The following DOCK8 variants were observed in gnomAD, a reference collection of about 807,000 sequenced individuals.
DOCK8 encodes the protein dedicator of cytokinesis protein 8.
Under a neutral mutation model 245.6 loss-of-function variants are expected in DOCK8, and 141 were observed. The ratio of observed to expected loss-of-function variants is 0.57; its 90% confidence interval spans 0.50 to 0.66. DOCK8 has a LOEUF of 0.66. Among genes scored for constraint, DOCK8 ranks in the 30% least tolerant of loss-of-function variants. The pLI is 0.00. For synonymous variants in DOCK8, 1,168 were observed against 970.2 expected (o/e 1.20, Z -3.79); for missense variants, 2,965 against 2,603.4 (o/e 1.14, Z -3.02).
At position 220,893 on chromosome 9, in the gene DOCK8, GT is replaced by G. The variant is rs369466926; in HGVS notation, c.53+5865del. 404 of 272,222 alleles carry G rather than the reference GT, an allele frequency of 1.5e-3. 1 individual carries two copies. The highest frequency in any genetic ancestry group is 9.0e-3 in the African/African-American group (387 of 42,788). 16.9% of individuals were successfully genotyped at this position (272,222 alleles called of 1,614,324 possible). On this transcript the variant is annotated intron_variant, in intron 1 of 47. Transcript: ENST00000432829. ...GCACCACCACGCCCGGCTAATTTTTGTATTTTTAGTAGAGATGGGGTTTCAC... is the reference window on the plus strand; with the variant it reads ...GCACCACCACGCCCGGCTAATTTTTGATTTTTAGTAGAGATGGGGTTTCAC...
chr9:446,535 A>C lies in DOCK8; in HGVS notation c.5746A>C (p.Asn1916His). ...RGELHEQYRR[N>H]TVLTTMHAFP... Reference sequence around the variant, plus strand: ...AGAGCTGCATGAGCAGTACAGAAGGAACACAGTCCTGACCACTATGCACGC... The same window carrying C: ...AGAGCTGCATGAGCAGTACAGAAGGCACACAGTCCTGACCACTATGCACGC... Residue 1916 changes from asparagine (N) to histidine (H), a missense_variant, in exon 44 of 48, where the codon AAC becomes CAC. By Grantham distance (68) the Asn-to-His change is moderately conservative. Coordinates refer to ENST00000432829, the MANE Select transcript of DOCK8 (RefSeq NM_203447.4). 6.2e-7 allele frequency: 1 copy of C among 1,614,200 alleles called. No individual in the cohort carries two copies. Among genetic ancestry groups the C allele is most frequent in the Non-Finnish European group, 8.5e-7 (1 of 1,180,032 alleles).
chr9:340,264 A>G lies in DOCK8; in HGVS notation c.1622A>G (p.His541Arg). The G allele has an allele frequency of 3.7e-6, 6 of 1,614,152 alleles. No individual in the cohort carries two copies. In the South Asian group the frequency reaches 6.6e-5, roughly 18 times the overall value. Reference protein sequence around the residue: ...KPFPENRTRPHKEILEFPTRE... With the variant: ...KPFPENRTRPRKEILEFPTRE... ...TTTCCTGAAAACCGGACACGCCCGC[A>G]CAAAGAGATTTTGGAATTTCCAACA... The change falls in exon 14 of 48, where the codon CAC becomes CGC. Residue 541 changes from histidine (H) to arginine (R), a missense_variant. By Grantham distance (29) the His-to-Arg change is conservative. Transcript: ENST00000432829.
chr9:262,530 A>C (rs1233383907), intron 1 of DOCK8, among the ~76,000 whole-genome samples: 1 of 150,420 alleles, frequency 6.6e-6, no homozygotes, highest in African/African-American at 2.4e-5. Flanking sequence ...AGTGCAATAT[A>C]GATGGATTGC....
intron 36 of DOCK8, among the ~76,000 whole-genome samples, chr9:431,372 G>C (rs765304355): frequency 6.6e-6 from 1 of 152,138 alleles, no homozygotes; most frequent in Non-Finnish European, 1.5e-5. Context: ...AAATGTATTA[G>C]GGATGATTAT....
intron 5 of DOCK8, among the ~76,000 whole-genome samples, chr9:306,858 G>T (rs1563902647): frequency 6.6e-6 from 1 of 152,198 alleles, no homozygotes; most frequent in Non-Finnish European, 1.5e-5. Context: ...AGGAGCCTGA[G>T]AGCAAGGACT....
At chr9:436,125 A>G (rs946073453) in intron 39 of DOCK8, among the ~76,000 whole-genome samples, 2 of 152,250 alleles carry the variant, frequency 1.3e-5, no homozygotes, top group African/African-American at 4.8e-5. Flanking sequence ...TGCAGCCAAG[A>G]GCTTCTGGTT....
chr9:221,847 A>G (rs1012936269), intron 1 of DOCK8, among the ~76,000 whole-genome samples: 1 of 151,642 alleles, frequency 6.6e-6, no homozygotes, highest in Middle Eastern at 3.4e-3. Context: ...ATCATGAACA[A>G]CTCTGCATGT....
intron 14 of DOCK8, among the ~76,000 whole-genome samples, chr9:341,636 T>G (rs1184898633): frequency 6.6e-6 from 1 of 152,218 alleles, no homozygotes; most frequent in African/African-American, 2.4e-5. Context: ...TACACACACA[T>G]CTGTGAACGC....
At chr9:450,079 T>G (rs757639436) in intron 45 of DOCK8, 152 bp downstream of exon 45, 5 of 825,964 alleles carry the variant, frequency 6.1e-6, no homozygotes, top group Non-Finnish European at 9.2e-6. Flanking sequence ...CCTGTAAGGT[T>G]TAGAAGACTT....
intron 7 of DOCK8, among the ~76,000 whole-genome samples, chr9:318,818 C>T (rs985800491): frequency 6.6e-6 from 1 of 152,202 alleles, no homozygotes; most frequent in Admixed American, 6.5e-5. Flanking sequence ...AGGGACACAC[C>T]TGCCCCGACA....
intron 2 of DOCK8, among the ~76,000 whole-genome samples, chr9:284,983 CTA>C (rs1157089317): frequency 6.6e-6 from 1 of 152,122 alleles, no homozygotes; most frequent in African/African-American, 2.4e-5. Flanking sequence ...GAAAAGATAA[CTA>C]TGTGGTCCTG....
intron 25 of DOCK8, among the ~76,000 whole-genome samples, chr9:397,508 T>G (rs1198949964): frequency 6.6e-6 from 1 of 151,282 alleles, no homozygotes; most frequent in African/African-American, 2.4e-5. Context: ...GGCCAACATG[T>G]TGAAACCCCG....
Position 406,983 on chromosome 9 carries a change from T to G in DOCK8, c.3444T>G (p.Asp1148Glu). 2 of 1,614,184 alleles carry G rather than the reference T, an allele frequency of 1.2e-6. No individual in the cohort carries two copies. Among genetic ancestry groups the G allele is most frequent in the African/African-American group, 1.3e-5 (1 of 75,038 alleles). The change falls in exon 28 of 48, where the codon GAT (aspartate) becomes GAG (glutamate). Residue 1148 changes from aspartate (D) to glutamate (E), a missense_variant. Coordinates refer to ENST00000432829, the MANE Select transcript of DOCK8 (RefSeq NM_203447.4). ...ACCAGAAGATCGCCAGCATGTTCGA[T>G]CTGACTTCCGAGTACCGCCAGCAGC... Reference protein sequence around the residue: ...FQDQKIASMFDLTSEYRQQHF... With the variant: ...FQDQKIASMFELTSEYRQQHF...
chr9:348,210 C>T (rs1226279431), intron 14 of DOCK8, among the ~76,000 whole-genome samples: 3 of 152,154 alleles, frequency 2.0e-5, no homozygotes, highest in South Asian at 2.1e-4. Context: ...AGATCGAAAT[C>T]TTCTCATTTT....
At chr9:283,860 C>T (rs945027670) in intron 2 of DOCK8, among the ~76,000 whole-genome samples, 2 of 151,986 alleles carry the variant, frequency 1.3e-5, no homozygotes, top group African/African-American at 4.8e-5. Context: ...GGGTTCCATC[C>T]CGTGGATGTC....
At chr9:439,133 G>T in intron 39 of DOCK8, 112 bp from the exon 40 acceptor site, 1 of 1,381,576 alleles carries the variant, frequency 7.2e-7, no homozygotes, top group Non-Finnish European at 1.0e-6. Context: ...TTTAGTCACG[G>T]TCTTGGTAAG....
chr9:399,267 T>TGGCCC lies in DOCK8; in HGVS notation c.3234+8_3234+9insGGCCC. Reference sequence around the variant, plus strand: ...AGACATTATTGCAGCCAGGTGAGTGTCCCCCCCACCCCCACCCCCGAGCGA... The same window carrying TGGCCC: ...AGACATTATTGCAGCCAGGTGAGTGTGGCCCCCCCCCCACCCCCACCCCCGAGCGA... On this transcript the variant is annotated intron_variant, in intron 26 of 47. Transcript: ENST00000432829. 1 of 1,534,482 alleles carries TGGCCC rather than the reference T, an allele frequency of 6.5e-7. No homozygotes were observed. Among genetic ancestry groups the TGGCCC allele is most frequent in the Non-Finnish European group, 8.6e-7 (1 of 1,156,102 alleles).
At chr9:234,814 G>T (rs2047207734) in intron 1 of DOCK8, among the ~76,000 whole-genome samples, 1 of 151,248 alleles carries the variant, frequency 6.6e-6, no homozygotes, top group Admixed American at 6.6e-5. Flanking sequence ...TTTTTTCAAA[G>T]CTTTTAACTT....
At chr9:345,683 TC>T (rs1448205785) in intron 14 of DOCK8, among the ~76,000 whole-genome samples, 2 of 152,164 alleles carry the variant, frequency 1.3e-5, no homozygotes, top group Non-Finnish European at 2.9e-5. Flanking sequence ...AGCCTCACCT[TC>T]CTCCCACCTC....
Sources: allele counts gnomAD v4.1 joint callset (sites outside exome capture counted in the v4.1 genomes callset), GRCh38; gene constraint gnomAD v4.1.1; transcripts MANE v1.5; gene names NCBI Gene and HGNC (gene_info 2026-07-23, HGNC 2026-07-21).